MAD1L1: variants seen among roughly 807,000 people sequenced by gnomAD.
MAD1L1 encodes mitotic spindle assembly checkpoint protein MAD1.
MAD1L1 carries 95 observed loss-of-function variants against 96.9 expected under a neutral mutation model. That is an observed-to-expected ratio of 0.98 (90% CI 0.83 to 1.16). MAD1L1 has a LOEUF of 1.16. Among genes scored for constraint, MAD1L1 ranks in the 50% most tolerant of loss-of-function variants. MAD1L1 has a pLI of 0.00. For synonymous variants in MAD1L1, 473 were observed against 396.6 expected (o/e 1.19, Z -2.29); for missense variants, 1,007 against 954.4 (o/e 1.06, Z -0.73).
chr7:2,219,611 G>C (rs1372919289), intron 5 of MAD1L1, among the ~76,000 whole-genome samples, 155 bp from the exon 6 acceptor site: 2 of 147,892 alleles, frequency 1.4e-5, no homozygotes, highest in Non-Finnish European at 3.0e-5. Context: ...GGGGCAGAGG[G>C]GCATCGGGCA....
intron 12 of MAD1L1, among the ~76,000 whole-genome samples, chr7:2,049,959 C>A (rs6966586): frequency 6.9e-6 from 1 of 144,386 alleles, no homozygotes; most frequent in African/African-American, 2.9e-5. Context: ...CCTCACCCAA[C>A]GTCTGCGGGC....
rs552250863 is a variant in MAD1L1 at position 1,835,132 on chromosome 7, AAT to A, written c.1999-18906_1999-18905del. Among the ~76,000 whole-genome samples the A allele has an allele frequency of 7.6e-3, 1,126 of 148,816 alleles. 16 individuals are homozygous for A. Among genetic ancestry groups the A allele is most frequent in the African/African-American group, 0.026 (1,061 of 41,220 alleles). On this transcript the variant is annotated intron_variant, in intron 18 of 18. Coordinates refer to ENST00000265854, the MANE Select transcript of MAD1L1 (RefSeq NM_001013836.2). Reference sequence around the variant, plus strand: ...AGGCATTCCTCAAAAAAAAAAAAAAAATCTCAGCAAACTAGGATTAGAAGAGA... The same window carrying A: ...AGGCATTCCTCAAAAAAAAAAAAAAACTCAGCAAACTAGGATTAGAAGAGA...
intron 16 of MAD1L1, among the ~76,000 whole-genome samples, chr7:1,949,726 G>A (rs896419130): frequency 1.3e-5 from 2 of 152,206 alleles, no homozygotes; most frequent in South Asian, 4.1e-4. Context: ...AAAGGACATC[G>A]GTCCCTTGGA....
intron 16 of MAD1L1, among the ~76,000 whole-genome samples, chr7:1,945,462 C>A (rs770323942): frequency 1.7e-4 from 26 of 152,222 alleles, no homozygotes; most frequent in Non-Finnish European, 3.1e-4. Context: ...GTAGGTCCCA[C>A]GAAAGGGCTT....
At chr7:2,152,124 C>T (rs151050865) in intron 10 of MAD1L1, among the ~76,000 whole-genome samples, 1 of 152,366 alleles carries the variant, frequency 6.6e-6, no homozygotes, top group Non-Finnish European at 1.5e-5. Context: ...AGGCAGAAGG[C>T]TGGCGCCTGA....
intron 17 of MAD1L1, among the ~76,000 whole-genome samples, chr7:1,901,955 T>TTGCAGGGA (rs1787272775): frequency 1.3e-5 from 2 of 152,198 alleles, no homozygotes; most frequent in African/African-American, 4.8e-5. Context: ...TGCTACCACC[T>TTGCAGGGA]TGCAGGGATG....
At chr7:2,068,542 G>T (rs1305465053) in intron 12 of MAD1L1, among the ~76,000 whole-genome samples, 1 of 152,338 alleles carries the variant, frequency 6.6e-6, no homozygotes, top group Admixed American at 6.5e-5. Context: ...GCAGGCAGGG[G>T]GAGTCTCCGC....
intron 13 of MAD1L1, among the ~76,000 whole-genome samples, chr7:2,010,276 C>T (rs575056470): frequency 6.6e-6 from 1 of 151,836 alleles, no homozygotes; most frequent in South Asian, 2.1e-4. Context: ...GCAGAGCTGC[C>T]CGAGCCTCTG....
intron 10 of MAD1L1, among the ~76,000 whole-genome samples, chr7:2,212,615 T>C (rs976733825): frequency 1.3e-5 from 2 of 152,174 alleles, no homozygotes; most frequent in African/African-American, 4.8e-5. Context: ...GTTTTTGCAT[T>C]GCGGCGTGCC....
At chr7:2,141,810 G>C (rs1413528038) in intron 11 of MAD1L1, among the ~76,000 whole-genome samples, 1 of 152,196 alleles carries the variant, frequency 6.6e-6, no homozygotes, top group Non-Finnish European at 1.5e-5. Context: ...AGACAGCCTG[G>C]GGAAGGCCCA....
At position 1,898,394 on chromosome 7, in the gene MAD1L1, CG is replaced by C. The variant is rs773767830; in HGVS notation, c.1808-5del. On this transcript the variant is annotated splice_polypyrimidine_tract_variant and splice_region_variant and intron_variant, in intron 17 of 18. Transcript: ENST00000265854. ...CTCTCCACCTGCTTCTTCAGCTCTGCGGGAGGGACGGAAGGAGACAGTGAGT... is the reference window on the plus strand; with the variant it reads ...CTCTCCACCTGCTTCTTCAGCTCTGCGGAGGGACGGAAGGAGACAGTGAGT... 9 of 1,613,042 alleles carry C rather than the reference CG, an allele frequency of 5.6e-6. No individual in the cohort carries two copies. The highest frequency in any genetic ancestry group is 7.6e-6 in the Non-Finnish European group (9 of 1,179,470).
At chr7:1,823,680 G>A (rs573861347) in intron 18 of MAD1L1, among the ~76,000 whole-genome samples, 9 of 152,300 alleles carry the variant, frequency 5.9e-5, no homozygotes, top group African/African-American at 9.6e-5. Context: ...CACAGAGGCC[G>A]GGCCTGTGGC....
intron 11 of MAD1L1, among the ~76,000 whole-genome samples, chr7:2,080,874 G>A (rs1055860690): frequency 3.3e-5 from 5 of 152,250 alleles, no homozygotes; most frequent in African/African-American, 1.2e-4. Flanking sequence ...AATGCTGGGG[G>A]AGAGTGGCAT....
At chr7:1,935,577 G>A (rs1024117270) in intron 17 of MAD1L1, among the ~76,000 whole-genome samples, 1 of 152,216 alleles carries the variant, frequency 6.6e-6, no homozygotes, top group South Asian at 2.1e-4. Flanking sequence ...CCCCACAAAG[G>A]AGCGGGGCAG....
chr7:1,934,792 AG>A (rs1177070628), intron 17 of MAD1L1, among the ~76,000 whole-genome samples: 1 of 147,716 alleles, frequency 6.8e-6, no homozygotes, highest in Non-Finnish European at 1.5e-5. Context: ...AACCCGAGAC[AG>A]GCAGACACCC....
intron 16 of MAD1L1, among the ~76,000 whole-genome samples, chr7:1,953,610 C>T (rs535893804): frequency 4.6e-5 from 7 of 152,358 alleles, no homozygotes; most frequent in East Asian, 1.9e-4. Context: ...TTACTTAAAG[C>T]GCGTCAGAAG....
intron 12 of MAD1L1, among the ~76,000 whole-genome samples, chr7:2,030,649 C>T (rs754116220): frequency 1.3e-5 from 2 of 152,192 alleles, no homozygotes; most frequent in Admixed American, 6.5e-5. Flanking sequence ...ACAAACCAGA[C>T]GCCGCCCCGG....
chr7:2,190,713 A>T (rs1391569315), intron 10 of MAD1L1, among the ~76,000 whole-genome samples: 1 of 152,250 alleles, frequency 6.6e-6, no homozygotes, highest in African/African-American at 2.4e-5. Context: ...GTTCAACATC[A>T]TTAGTCACCA....
At chr7:2,175,686 A>G (rs962638033) in intron 10 of MAD1L1, among the ~76,000 whole-genome samples, 2 of 152,144 alleles carry the variant, frequency 1.3e-5, no homozygotes. Context: ...AATGACTGCC[A>G]AAGTAGGAGC....
Sources: gnomAD v4.1 joint callset for allele counts (sites outside exome capture counted in the v4.1 genomes callset) on GRCh38, gnomAD v4.1.1 for gene constraint, MANE v1.5 for transcripts, NCBI Gene and HGNC (gene_info 2026-07-23, HGNC 2026-07-21) for gene names.